Variants in TXLNB observed in about 807,000 individuals in gnomAD.
The protein encoded by TXLNB is beta-taxilin.
A neutral mutation model predicts 57.4 loss-of-function variants in TXLNB; 37 were observed. That is an observed-to-expected ratio of 0.64 (90% CI 0.50 to 0.85). The LOEUF is 0.85. Ranked by LOEUF, TXLNB falls within the 40% of genes least tolerant of loss-of-function variation. TXLNB has a pLI of 0.00. For missense variants in TXLNB, 848 were observed against 825.6 expected (o/e 1.03, Z -0.33); for synonymous variants, 302 against 309.6 (o/e 0.98, Z 0.26).
chr6:139,310,748 G>A, the TXLNB span, among the ~76,000 whole-genome samples: 2 of 152,224 alleles, frequency 1.3e-5, no homozygotes, highest in Non-Finnish European at 2.9e-5. Context: ...AGGCTGGAGT[G>A]CAGTGATACG....
At chr6:139,281,041 G>GATTTATTT (rs577626653) in intron 2 of TXLNB, among the ~76,000 whole-genome samples, 1 of 151,918 alleles carries the variant, frequency 6.6e-6, no homozygotes. Flanking sequence ...CTAGTTGAGT[G>GATTTATTT]ATTTATTTAT....
chr6:139,193,850 T>C, the TXLNB span, among the ~76,000 whole-genome samples: 1 of 110,682 alleles, frequency 9.0e-6, no homozygotes, highest in Non-Finnish European at 1.9e-5. Flanking sequence ...ATTTTTTTTT[T>C]TTTTTTTTTG....
chr6:139,253,124 C>G (rs1429571388), intron 7 of TXLNB, among the ~76,000 whole-genome samples: 1 of 152,176 alleles, frequency 6.6e-6, no homozygotes, highest in Admixed American at 6.5e-5. Context: ...AGATTTTTCT[C>G]TCTCTTATTG....
chr6:139,226,650 C>A, the TXLNB span, among the ~76,000 whole-genome samples: 10 of 152,286 alleles, frequency 6.6e-5, no homozygotes, highest in East Asian at 1.9e-3. Context: ...CATGAATATG[C>A]ATGTCACGAA....
At chr6:139,300,693 C>T in the TXLNB span, among the ~76,000 whole-genome samples, 7 of 152,110 alleles carry the variant, frequency 4.6e-5, no homozygotes, top group Admixed American at 1.3e-4. Flanking sequence ...GCCAGGGGTT[C>T]GAGACCAGCC....
At position 139,270,459 on chromosome 6, in the gene TXLNB, C is replaced by A. The variant is rs1776730299; in HGVS notation, c.684G>T (p.Leu228=). ...CRELQRHNKT[L]KEEALQRARE... is the part of the protein sequence containing the mutation. ...ATTCTGAGGCATGGGGACATACCTT[C>A]AGAGTCTTGTTGTGTCTCTGCAGCT... is the stretch of plus-strand genomic sequence containing the variant. The change falls in exon 4 of 10, where the codon CTG becomes CTT. Residue 228 remains leucine (L), a synonymous_variant. Coordinates refer to ENST00000358430, the MANE Select transcript of TXLNB (RefSeq NM_153235.4). 6.2e-7 allele frequency: 1 copy of A among 1,613,296 alleles called. No individual in the cohort carries two copies. Among genetic ancestry groups the A allele is most frequent in the African/African-American group, 1.3e-5 (1 of 74,848 alleles).
At chr6:139,296,040 C>CG (rs974375962), upstream of TXLNB, among the ~76,000 whole-genome samples, 2 of 152,258 alleles carry the variant, frequency 1.3e-5, no homozygotes, top group Non-Finnish European at 1.5e-5. Context: ...CTTGACCCCC[C>CG]CCTCCTCCAG....
At chr6:139,315,779 G>A in the TXLNB span, among the ~76,000 whole-genome samples, 35 of 152,230 alleles carry the variant, frequency 2.3e-4, no homozygotes, top group Admixed American at 7.9e-4. Flanking sequence ...ATGCTGAGAT[G>A]AATAAAATGT....
chr6:139,275,480 G>A (rs1441539371), intron 3 of TXLNB, among the ~76,000 whole-genome samples: 2 of 152,154 alleles, frequency 1.3e-5, no homozygotes, highest in African/African-American at 4.8e-5. Flanking sequence ...AGGGATTAGA[G>A]ATTTTTTGTT....
the TXLNB span, among the ~76,000 whole-genome samples, chr6:139,172,020 G>C: frequency 6.6e-6 from 1 of 152,028 alleles, no homozygotes; most frequent in African/African-American, 2.4e-5. Flanking sequence ...TAGTAGAGAT[G>C]GGGTTTCACC....
chr6:139,170,582 G>A, the TXLNB span: 1 of 152,370 alleles, frequency 6.6e-6, no homozygotes, highest in African/African-American at 2.4e-5. Context: ...CAAAGGAAGG[G>A]TGGTTAAAAA....
At chr6:139,245,447 C>T (rs1012732410) in intron 8 of TXLNB, 2 of 152,130 alleles carry the variant, frequency 1.3e-5, no homozygotes, top group African/African-American at 4.8e-5. Context: ...TGAGGCTACT[C>T]ACATTCTTGT....
the TXLNB span, chr6:139,169,659 C>T: frequency 1.3e-5 from 2 of 152,180 alleles, no homozygotes; most frequent in Non-Finnish European, 2.9e-5. Flanking sequence ...GGGCCTCAGC[C>T]GGAATGGCTT....
the TXLNB span, among the ~76,000 whole-genome samples, chr6:139,319,020 G>A: frequency 7.0e-6 from 1 of 142,230 alleles, no homozygotes; most frequent in African/African-American, 2.7e-5. Context: ...TCAGCTCACT[G>A]CAACCTCAGC....
chr6:139,309,876 G>A, the TXLNB span, among the ~76,000 whole-genome samples: 2 of 152,186 alleles, frequency 1.3e-5, no homozygotes, highest in Admixed American at 1.3e-4. Context: ...GACACAATGG[G>A]GAAAGAACAG....
At chr6:139,203,534 G>C in the TXLNB span, 1 of 152,152 alleles carries the variant, frequency 6.6e-6, no homozygotes, top group Admixed American at 6.5e-5. Flanking sequence ...TCTTCCCTTG[G>C]TTTCCATGAC....
chr6:139,302,108 G>T, the TXLNB span, among the ~76,000 whole-genome samples: 2 of 152,202 alleles, frequency 1.3e-5, no homozygotes, highest in Non-Finnish European at 2.9e-5. Flanking sequence ...TTGCTTAGAT[G>T]AATTTTTGTA....
chr6:139,234,278 T>C, the TXLNB span: 1 of 152,176 alleles, frequency 6.6e-6, no homozygotes, highest in Non-Finnish European at 1.5e-5. Flanking sequence ...GAAATTTGCA[T>C]AAGTAATGAG....
chr6:139,198,143 G>GA, the TXLNB span, among the ~76,000 whole-genome samples: 1 of 150,806 alleles, frequency 6.6e-6, no homozygotes, highest in Non-Finnish European at 1.5e-5. Flanking sequence ...ACTATTTCTG[G>GA]CAATGTTTCC....
Sources: gnomAD v4.1 joint callset for allele counts (sites outside exome capture counted in the v4.1 genomes callset) on GRCh38, gnomAD v4.1.1 for gene constraint, MANE v1.5 for transcripts, NCBI Gene and HGNC (gene_info 2026-07-23, HGNC 2026-07-21) for gene names.